The following VMP1 variants were observed in gnomAD, a reference collection of about 807,000 sequenced individuals.
The protein encoded by VMP1 is vacuole membrane protein 1.
VMP1 carries 11 observed loss-of-function variants against 56.0 expected under a neutral mutation model. The observed-to-expected ratio is 0.20, with a 90% CI of 0.12 to 0.32. The LOEUF (loss-of-function observed/expected upper bound fraction) is 0.32. Ranked by LOEUF, VMP1 falls within the 10% of genes least tolerant of loss-of-function variation. The pLI, the probability that VMP1 is intolerant of heterozygous loss-of-function variation, is 1.00. For missense variants in VMP1, 296 were observed against 490.3 expected, an observed-to-expected ratio of 0.60 and a Z score of 3.74; for synonymous variants, 149 against 165.0, an observed-to-expected ratio of 0.90 and a Z score of 0.74.
chr17:59,727,682 A>G (rs1159244074), intron 1 of VMP1, among the ~76,000 whole-genome samples: 7 of 152,192 alleles, frequency 4.6e-5, no homozygotes, highest in Non-Finnish European at 1.0e-4. Flanking sequence ...TACAATAACA[A>G]TGAGGCATGT....
intron 10 of VMP1, among the ~76,000 whole-genome samples, chr17:59,831,771 T>TA (rs956223730): frequency 3.1e-4 from 42 of 137,640 alleles, no homozygotes; most frequent in East Asian, 1.3e-3. Context: ...TTTCTTTAAA[T>TA]AAAAAAAAAA....
chr17:59,742,458 A>G (rs1173596989), intron 5 of VMP1, among the ~76,000 whole-genome samples: 1 of 151,818 alleles, frequency 6.6e-6, no homozygotes, highest in Non-Finnish European at 1.5e-5. Flanking sequence ...TCAAGGTCAC[A>G]GTGAACTGTG....
chr17:59,757,276 GA>G (rs2035878044), intron 5 of VMP1, among the ~76,000 whole-genome samples: 2 of 151,986 alleles, frequency 1.3e-5, no homozygotes, highest in Admixed American at 1.3e-4. Flanking sequence ...TAGATAGATA[GA>G]TAGATAGATA....
intron 5 of VMP1, among the ~76,000 whole-genome samples, chr17:59,755,212 A>T (rs1044246739): frequency 6.6e-6 from 1 of 151,452 alleles, no homozygotes; most frequent in Non-Finnish European, 1.5e-5. Flanking sequence ...CGTTCAAGCG[A>T]TTCTCCTGCC....
chr17:59,830,986 G>A (rs2038788705), intron 10 of VMP1, among the ~76,000 whole-genome samples: 1 of 151,812 alleles, frequency 6.6e-6, no homozygotes, highest in East Asian at 1.9e-4. Flanking sequence ...CACCACACCT[G>A]GTTAATTTTC....
chr17:59,731,322 C>T (rs2034815533), intron 1 of VMP1, 99 bp from the exon 2 acceptor site: 2 of 664,140 alleles, frequency 3.0e-6, no homozygotes, highest in Non-Finnish European at 4.9e-6. Context: ...TATCATGTGG[C>T]TTATTACTGT....
At chr17:59,819,189 A>G (rs572215370) in intron 10 of VMP1, among the ~76,000 whole-genome samples, 1 of 152,356 alleles carries the variant, frequency 6.6e-6, no homozygotes, top group East Asian at 1.9e-4. Flanking sequence ...TACATTTAAA[A>G]TTAAAATTAA....
intron 6 of VMP1, among the ~76,000 whole-genome samples, chr17:59,773,015 G>T (rs2036489996): frequency 7.9e-6 from 1 of 126,664 alleles, no homozygotes; most frequent in South Asian, 2.6e-4. Flanking sequence ...AGGCTGGAGT[G>T]TAGTGGTGCG....
intron 3 of VMP1, chr17:59,735,679 C>T (rs949212332): frequency 5.9e-5 from 32 of 542,792 alleles, no homozygotes; most frequent in Middle Eastern, 5.0e-4. Flanking sequence ...TGTTTGCTTA[C>T]TGGATTATCA....
intron 1 of VMP1, among the ~76,000 whole-genome samples, chr17:59,708,570 C>G (rs1355418794): frequency 6.6e-6 from 1 of 152,202 alleles, no homozygotes; most frequent in Non-Finnish European, 1.5e-5. Flanking sequence ...GGCAGCATCG[C>G]TCCTTATCCT....
intron 10 of VMP1, among the ~76,000 whole-genome samples, chr17:59,825,975 G>T (rs1407594016): frequency 6.6e-6 from 1 of 152,164 alleles, no homozygotes. Flanking sequence ...GGATAAAATG[G>T]TCCATGTATT....
At chr17:59,796,946 C>T (rs1213465590) in intron 7 of VMP1, among the ~76,000 whole-genome samples, 1 of 152,172 alleles carries the variant, frequency 6.6e-6, no homozygotes, top group East Asian at 1.9e-4. Flanking sequence ...TCTATACTCA[C>T]CAGAAGGATA....
chr17:59,795,592 C>G (rs535994631), intron 7 of VMP1, among the ~76,000 whole-genome samples: 28 of 151,764 alleles, frequency 1.8e-4, no homozygotes, highest in African/African-American at 6.3e-4. Context: ...AAAGGATCAG[C>G]TGAGCTCAGG....
At chr17:59,757,100 G>A (rs2035867134) in intron 5 of VMP1, among the ~76,000 whole-genome samples, 1 of 152,054 alleles carries the variant, frequency 6.6e-6, no homozygotes, top group Non-Finnish European at 1.5e-5. Context: ...ACAAATTCAA[G>A]TATGAATATA....
At position 59,720,588 on chromosome 17, in the gene VMP1, G is replaced by T. The variant is rs532100752; in HGVS notation, c.-26-10833G>T. On this transcript the variant is annotated intron_variant, in intron 1 of 11. Transcript: ENST00000262291. ...CATTTGAGAAGCATGGAGATTGATG[G>T]GTATGATACTGCATTTAAAAATATT... is the stretch of plus-strand genomic sequence containing the variant. Among the ~76,000 whole-genome samples the T allele has an allele frequency of 1.2e-4, 19 of 152,182 alleles. No individual in the cohort carries two copies. The East Asian group carries it at 3.7e-3, about 29-fold the overall frequency.
chr17:59,825,278 TG>T (rs1001960299), intron 10 of VMP1, among the ~76,000 whole-genome samples: 2 of 151,320 alleles, frequency 1.3e-5, no homozygotes, highest in African/African-American at 4.9e-5. Flanking sequence ...TTCACGATGT[TG>T]GCTAGGCTGG....
intron 7 of VMP1, among the ~76,000 whole-genome samples, chr17:59,796,412 C>T (rs998222669): frequency 4.6e-5 from 7 of 152,124 alleles, no homozygotes. Flanking sequence ...TAAACATATA[C>T]GGAATGAATG....
At chr17:59,812,144 GTTTGT>G (rs945420040) in intron 9 of VMP1, among the ~76,000 whole-genome samples, 4 of 152,028 alleles carry the variant, frequency 2.6e-5, no homozygotes, top group Non-Finnish European at 4.4e-5. Flanking sequence ...GTAGTTTTTT[GTTTGT>G]TTTGTTTTGT....
intron 7 of VMP1, among the ~76,000 whole-genome samples, chr17:59,792,077 A>T (rs1483544496): frequency 6.6e-6 from 1 of 152,042 alleles, no homozygotes; most frequent in East Asian, 1.9e-4. Flanking sequence ...TTCAAGGCCA[A>T]CCTAGGAAAC....
Sources: allele counts gnomAD v4.1 joint callset (sites outside exome capture counted in the v4.1 genomes callset), GRCh38; gene constraint gnomAD v4.1.1; transcripts MANE v1.5; gene names NCBI Gene and HGNC (gene_info 2026-07-23, HGNC 2026-07-21).